Variants in PHYHD1 observed in about 807,000 individuals in gnomAD.
PHYHD1 encodes phytanoyl-CoA dioxygenase domain containing 1, also known as phytanoyl-CoA dioxygenase domain-containing protein 1.
PHYHD1 carries 42 observed loss-of-function variants against 43.6 expected under a neutral mutation model. The ratio of observed to expected loss-of-function variants is 0.96; its 90% CI spans 0.75 to 1.25. The LOEUF (loss-of-function observed/expected upper bound fraction) is 1.25. Among genes scored for constraint, PHYHD1 ranks in the 50% most tolerant of loss-of-function variants. The probability of loss-of-function intolerance (pLI) is 0.00; values close to 1 mark genes in which losing one functional copy is unlikely to be tolerated. For missense variants in PHYHD1, 342 were observed against 370.8 expected (o/e 0.92, Z 0.64); for synonymous variants, 139 against 143.6 (o/e 0.97, Z 0.23).
chr9:128,940,899 C>T (rs981263137), intron 11 of PHYHD1, among the ~76,000 whole-genome samples, 184 bp downstream of exon 11: 5 of 152,134 alleles, frequency 3.3e-5, no homozygotes, highest in African/African-American at 1.2e-4. Flanking sequence ...GCAGGCTGAT[C>T]CAGATCACCC....
intron 4 of PHYHD1, among the ~76,000 whole-genome samples, chr9:128,929,100 G>A (rs1326730132): frequency 2.6e-5 from 4 of 151,914 alleles, no homozygotes; most frequent in Admixed American, 1.3e-4. Flanking sequence ...AGGCCAAGCA[G>A]GGAGGATCGC....
chr9:128,936,518 G>C lies in PHYHD1; in HGVS notation c.372+15G>C, dbSNP rs777181653. On this transcript the variant is annotated intron_variant, in intron 7 of 12. Coordinates refer to ENST00000372592, the MANE Select transcript of PHYHD1 (RefSeq NM_001100876.2). ...TCAAGGTGCAGGTGAGCAGAGGTGG[G>C]GGTGAGGGCCAGGAGGGTGGGCCAT... 28 of 1,613,498 alleles carry C rather than the reference G, an allele frequency of 1.7e-5. No homozygotes were observed. In the African/African-American group the frequency reaches 2.8e-4, roughly 16 times the overall value.
At chr9:128,927,995 A>G (rs753777450) in intron 4 of PHYHD1, among the ~76,000 whole-genome samples, 2 of 152,050 alleles carry the variant, frequency 1.3e-5, no homozygotes, top group African/African-American at 4.8e-5. Context: ...TAAATTGAAG[A>G]CTCTGGGGTC....
chr9:128,922,153 G>A, intron 2 of PHYHD1, 106 bp downstream of exon 2: 1 of 656,462 alleles, frequency 1.5e-6, no homozygotes, highest in Non-Finnish European at 2.6e-6. Context: ...GGGTGGGGGA[G>A]ATTAGCCTGG....
At chr9:128,922,484 C>A in intron 3 of PHYHD1, 128 bp downstream of exon 3, 1 of 1,219,606 alleles carries the variant, frequency 8.2e-7, no homozygotes, top group Non-Finnish European at 1.1e-6. Flanking sequence ...CCCAGAGGAG[C>A]GGGTTCCCAA....
intron 6 of PHYHD1, 30 bp from the exon 7 acceptor site, chr9:128,936,418 T>A (rs779109417): frequency 1.9e-6 from 3 of 1,597,948 alleles, no homozygotes; most frequent in African/African-American, 1.3e-5. Context: ...GGGCCTGAGA[T>A]GGGGCCGACA....
intron 6 of PHYHD1, 122 bp from the exon 7 acceptor site, chr9:128,936,326 A>T: frequency 7.5e-7 from 1 of 1,339,120 alleles, no homozygotes; most frequent in South Asian, 1.3e-5. Context: ...AACAAGCAGA[A>T]GGGTTAATGC....
intron 3 of PHYHD1, among the ~76,000 whole-genome samples, chr9:128,924,828 G>A (rs1031227060): frequency 6.6e-6 from 1 of 152,012 alleles, no homozygotes; most frequent in Non-Finnish European, 1.5e-5. Flanking sequence ...CCAACTACTC[G>A]GGAGGCTGAG....
chr9:128,932,184 A>ATTATTTTT, intron 4 of PHYHD1, among the ~76,000 whole-genome samples: 1 of 108,698 alleles, frequency 9.2e-6, no homozygotes, highest in Non-Finnish European at 1.7e-5. Flanking sequence ...TATTATTATT[A>ATTATTTTT]TTTTTTTTTT....
In PHYHD1 at chr9:128,940,727, C is replaced by T. The variant is rs766014898; in HGVS notation, c.703+12C>T. On this transcript the variant is annotated intron_variant, in intron 11 of 12. Coordinates refer to ENST00000372592, the MANE Select transcript of PHYHD1 (RefSeq NM_001100876.2). ...CCCAGTGCAGAGAGGTAGGCAGATG[C>T]AGAGGGCAGAGAGGCAGGGGGCTGA... 2 of 1,611,072 alleles carry T rather than the reference C, an allele frequency of 1.2e-6. No individual in the cohort carries two copies. The highest frequency in any genetic ancestry group is 1.1e-5 in the South Asian group (1 of 90,944).
intron 4 of PHYHD1, among the ~76,000 whole-genome samples, chr9:128,932,163 A>T (rs1275222719): frequency 6.4e-5 from 8 of 125,314 alleles, no homozygotes; most frequent in African/African-American, 2.7e-4. Context: ...TATTATTATT[A>T]TTATTGTTAT....
At chr9:128,932,820 C>CTTATTTAT (rs36079303) in intron 4 of PHYHD1, among the ~76,000 whole-genome samples, 8,179 of 141,732 alleles carry the variant, frequency 0.058, 343 homozygotes, top group East Asian at 0.11. Flanking sequence ...ATTATTATTC[C>CTTATTTAT]TTATTTATTT....
chr9:128,932,154 A>ATTT (rs1841297977), intron 4 of PHYHD1, among the ~76,000 whole-genome samples: 1 of 109,720 alleles, frequency 9.1e-6, no homozygotes, highest in Admixed American at 9.8e-5. Flanking sequence ...CAGTTCTATT[A>ATTT]TTATTATTAT....
chr9:128,933,913 C>T lies in PHYHD1; in HGVS notation c.268+56C>T, dbSNP rs1003044860. ...GAGCCATGGTGAGGGTAGGCTGGACCTGGGAATCTGCCCCCTGGGCTGGAA... is the reference window on the plus strand; with the variant it reads ...GAGCCATGGTGAGGGTAGGCTGGACTTGGGAATCTGCCCCCTGGGCTGGAA... On this transcript the variant is annotated intron_variant, in intron 5 of 12. Transcript: ENST00000372592. 1.7e-5 allele frequency: 28 copies of T among 1,605,404 alleles called. No individual in the cohort carries two copies. The African/African-American group carries it at 3.5e-4, about 20-fold the overall frequency.
chr9:128,924,759 A>G (rs1841092456), intron 3 of PHYHD1, among the ~76,000 whole-genome samples: 1 of 151,462 alleles, frequency 6.6e-6, no homozygotes, highest in Non-Finnish European at 1.5e-5. Flanking sequence ...ACATAGTGAA[A>G]CCCCATCTCT....
At position 128,941,857 on chromosome 9, in the gene PHYHD1, T is replaced by G. The variant is rs1396635070; in HGVS notation, c.*144T>G. The G allele has an allele frequency of 5.4e-5, 62 of 1,139,976 alleles. No individual in the cohort carries two copies. Among genetic ancestry groups the G allele is most frequent in the Non-Finnish European group, 7.5e-5 (60 of 794,728 alleles). 70.6% of individuals were successfully genotyped at this position (1,139,976 alleles called of 1,614,324 possible). On this transcript the variant is annotated 3_prime_UTR_variant, in exon 13 of 13. Transcript: ENST00000372592. ...TCCTCCTGCCCTGTGGGCAGCAGCC[T>G]AGGCTGGGTCAGGGGCTTCCCTAAG...
chr9:128,927,621 C>T (rs1469353180), intron 4 of PHYHD1, among the ~76,000 whole-genome samples: 1 of 152,182 alleles, frequency 6.6e-6, no homozygotes, highest in Non-Finnish European at 1.5e-5. Context: ...AGGTGATCCA[C>T]CAGCCTCAGT....
intron 3 of PHYHD1, among the ~76,000 whole-genome samples, chr9:128,925,023 G>A (rs1841100748): frequency 6.6e-6 from 1 of 152,164 alleles, no homozygotes; most frequent in Non-Finnish European, 1.5e-5. Flanking sequence ...GCTGTGGTTG[G>A]CCCAATTCCC....
intron 4 of PHYHD1, among the ~76,000 whole-genome samples, 186 bp downstream of exon 4, chr9:128,927,382 C>A (rs991216035): frequency 6.8e-6 from 1 of 146,450 alleles, no homozygotes; most frequent in Admixed American, 6.8e-5. Flanking sequence ...TTTTTTTTTT[C>A]TTTTTTCTTT....
Sources: gnomAD v4.1 joint callset for allele counts (sites outside exome capture counted in the v4.1 genomes callset) on GRCh38, gnomAD v4.1.1 for gene constraint, MANE v1.5 for transcripts, NCBI Gene and HGNC (gene_info 2026-07-23, HGNC 2026-07-21) for gene names.